Variants in CA4 observed in about 807,000 individuals in gnomAD.
CA4 encodes CA-IV.
In CA4, 24 loss-of-function variants were observed where a neutral mutation model predicts 34.5. The observed-to-expected ratio is 0.70, with a 90% CI of 0.50 to 0.98. CA4 has a LOEUF of 0.98. Among genes scored for constraint, CA4 ranks in the 50% least tolerant of loss-of-function variants. The pLI is 0.00. For synonymous variants in CA4, 178 were observed against 170.6 expected (o/e 1.04, Z -0.34); for missense variants, 394 against 396.7 (o/e 0.99, Z 0.06).
the CA4 span, among the ~76,000 whole-genome samples, chr17:60,178,439 G>A: frequency 1.3e-3 from 201 of 152,290 alleles, 1 homozygote; most frequent in African/African-American, 4.5e-3. Flanking sequence ...GGGTGGGGCC[G>A]GGGGTGCAGA....
chr17:60,165,831 CTTTTTTT>C (rs202181908), intron 5 of CA4, among the ~76,000 whole-genome samples: 1 of 141,120 alleles, frequency 7.1e-6, no homozygotes, highest in Admixed American at 7.1e-5. Context: ...TAACAAATCT[CTTTTTTT>C]TTTTTTTTAG....
At chr17:60,162,044 C>T (rs142234041), downstream of CA4, among the ~76,000 whole-genome samples, 3 of 152,282 alleles carry the variant, frequency 2.0e-5, no homozygotes, top group Non-Finnish European at 4.4e-5. Flanking sequence ...CCCTCCCCAT[C>T]CCCCTGGTCC....
chr17:60,153,633 C>T (rs1410725727), intron 1 of CA4, among the ~76,000 whole-genome samples: 1 of 152,234 alleles, frequency 6.6e-6, no homozygotes, highest in Non-Finnish European at 1.5e-5. Flanking sequence ...TTTCCTGTAA[C>T]ATGCCTTCTG....
rs747857532 is a variant in CA4, at chr17:60,158,426, A to G, written c.724A>G (p.Ile242Val). 3 of 1,613,918 alleles carry G rather than the reference A, an allele frequency of 1.9e-6. No homozygotes were observed. In the East Asian group the frequency reaches 6.7e-5, roughly 36 times the overall value. Residue 242 changes from isoleucine to valine, a missense_variant, in exon 7 of 8, where the codon ATT becomes GTT. Coordinates refer to ENST00000300900, the MANE Select transcript of CA4 (RefSeq NM_000717.5). ...KVVWTVFREP[I>V]QLHREQILAF... ...CGTCTGGACTGTGTTCCGGGAGCCC[A>G]TTCAGCTTCACAGAGAACAGGTGCA...
At chr17:60,157,978 T>C in intron 5 of CA4, 83 bp from the exon 6 acceptor site, 2 of 1,575,662 alleles carry the variant, frequency 1.3e-6, no homozygotes, top group Non-Finnish European at 1.7e-6. Flanking sequence ...TGCCTGGCCT[T>C]CCGCCCCCAG....
chr17:60,166,309 C>T (rs1012950461), intron 5 of CA4, among the ~76,000 whole-genome samples: 4 of 152,154 alleles, frequency 2.6e-5, no homozygotes, highest in African/African-American at 9.7e-5. Context: ...GGGGTTTCGC[C>T]ATTTAGCCAG....
chr17:60,173,380 G>A (rs182187885), downstream of CA4, among the ~76,000 whole-genome samples: 5 of 152,262 alleles, frequency 3.3e-5, no homozygotes, highest in East Asian at 9.7e-4. Context: ...AGGCTGCACT[G>A]CCTCTGAAAC....
chr17:60,163,540 C>T (rs1480003171), downstream of CA4, among the ~76,000 whole-genome samples: 1 of 144,590 alleles, frequency 6.9e-6, no homozygotes, highest in East Asian at 2.1e-4. Flanking sequence ...TCCTGCACCT[C>T]GCACTACACA....
rs200905344 is a variant in CA4, at chr17:60,156,647, T to G, written c.200T>G (p.Leu67Arg). The G allele has an allele frequency of 3.1e-6, 5 of 1,613,960 alleles. No individual in the cohort carries two copies. Among genetic ancestry groups the G allele is most frequent in the African/African-American group, 1.3e-5 (1 of 74,930 alleles). ...VTTKAKVDKK[L>R]GRFFFSGYDK... ...ACCAAGGCAAAGGTGGACAAAAAACTGGGACGCTTCTTCTTCTCTGGCTAC... is the reference window on the plus strand; with the variant it reads ...ACCAAGGCAAAGGTGGACAAAAAACGGGGACGCTTCTTCTTCTCTGGCTAC... The change falls in exon 3 of 8, where the codon CTG becomes CGG. Residue 67 changes from leucine (L) to arginine (R), a missense_variant. Transcript: ENST00000300900.
At chr17:60,169,346 G>C (rs1002298020) in intron 5 of CA4, among the ~76,000 whole-genome samples, 1 of 152,040 alleles carries the variant, frequency 6.6e-6, no homozygotes. Context: ...ATGCTTCAGG[G>C]AGTGGGGCCG....
chr17:60,157,885 G>T lies in CA4; in HGVS notation c.513+97G>T, dbSNP rs746575977. 25 of 1,504,028 alleles carry T rather than the reference G, an allele frequency of 1.7e-5. No individual in the cohort carries two copies. In the Admixed American group the frequency reaches 4.7e-4, roughly 28 times the overall value. 93.2% of individuals were successfully genotyped at this position (1,504,028 alleles called of 1,614,324 possible). On this transcript the variant is annotated intron_variant, in intron 5 of 7. Transcript: ENST00000300900. Reference sequence around the variant, plus strand: ...GACTCCAGCGAGGCAGGAGGGGGCGGGGAGACTCCAACTTCCGCCTCTGTT... The same window carrying T: ...GACTCCAGCGAGGCAGGAGGGGGCGTGGAGACTCCAACTTCCGCCTCTGTT...
At chr17:60,152,187 G>T (rs1597985667) in intron 1 of CA4, among the ~76,000 whole-genome samples, 1 of 152,180 alleles carries the variant, frequency 6.6e-6, no homozygotes, top group Non-Finnish European at 1.5e-5. Flanking sequence ...CCTCTGGGTA[G>T]GTAGCCCCTC....
At chr17:60,157,266 T>C (rs2083704374) in intron 3 of CA4, among the ~76,000 whole-genome samples, 161 bp from the exon 4 acceptor site, 1 of 152,096 alleles carries the variant, frequency 6.6e-6, no homozygotes, top group Non-Finnish European at 1.5e-5. Flanking sequence ...TCCGGGGCTG[T>C]CCCACCCTGT....
chr17:60,168,521 G>A (rs1395971616), intron 5 of CA4, among the ~76,000 whole-genome samples: 1 of 85,344 alleles, frequency 1.2e-5, no homozygotes, highest in African/African-American at 4.9e-5. Flanking sequence ...GGTGGGGAAG[G>A]GTGATTTTTT....
At chr17:60,171,554 T>G (rs2083910703), downstream of CA4, among the ~76,000 whole-genome samples, 1 of 152,232 alleles carries the variant, frequency 6.6e-6, no homozygotes, top group African/African-American at 2.4e-5. Flanking sequence ...GGGAGCACTG[T>G]CAACTCCTCT....
chr17:60,172,538 A>G (rs574574904), downstream of CA4, among the ~76,000 whole-genome samples: 54 of 152,342 alleles, frequency 3.5e-4, no homozygotes, highest in South Asian at 0.011. Context: ...TGTTTATAAT[A>G]AAATGGTCTA....
At chr17:60,173,645 G>A (rs1329758255), downstream of CA4, among the ~76,000 whole-genome samples, 3 of 152,178 alleles carry the variant, frequency 2.0e-5, no homozygotes, top group African/African-American at 7.2e-5. Flanking sequence ...TCCCTAATGA[G>A]ACTGGAAATA....
At chr17:60,161,402 G>T (rs1323352615), downstream of CA4, among the ~76,000 whole-genome samples, 1 of 152,156 alleles carries the variant, frequency 6.6e-6, no homozygotes, top group Non-Finnish European at 1.5e-5. Flanking sequence ...GGGGTTGGCT[G>T]AGTGAATGGG....
Position 60,149,987 on chromosome 17 carries a change from C to A in CA4, c.-48C>A. 1 of 1,534,850 alleles carries A rather than the reference C, an allele frequency of 6.5e-7. No homozygotes were observed. The highest frequency in any genetic ancestry group is 8.9e-7 in the Non-Finnish European group (1 of 1,123,668). ...AGGATCGCTGCACCCGCGGCGGCCT[C>A]CTCGGTGCGCGACCCCCGGCTCAGA... On this transcript the variant is annotated 5_prime_UTR_variant, in exon 1 of 8. Transcript: ENST00000300900.
Sources: gnomAD v4.1 joint callset for allele counts (sites outside exome capture counted in the v4.1 genomes callset) on GRCh38, gnomAD v4.1.1 for gene constraint, MANE v1.5 for transcripts, NCBI Gene and HGNC (gene_info 2026-07-23, HGNC 2026-07-21) for gene names.